GLRB: variants seen among roughly 807,000 people sequenced by gnomAD.
GLRB encodes glycine receptor subunit beta.
Under a neutral mutation model 54.2 loss-of-function variants are expected in GLRB, and 33 were observed. That is an observed-to-expected ratio of 0.61 (90% CI 0.46 to 0.81). GLRB has a LOEUF of 0.81. GLRB is among the 40% of genes least tolerant of loss of function. GLRB has a pLI of 0.00. For missense variants in GLRB, 572 were observed against 584.6 expected, an observed-to-expected ratio of 0.98 and a Z score of 0.22; for synonymous variants, 209 against 208.2, an observed-to-expected ratio of 1.00 and a Z score of -0.03.
intron 9 of GLRB, among the ~76,000 whole-genome samples, chr4:157,153,241 A>C (rs536092908): frequency 6.6e-6 from 1 of 152,264 alleles, no homozygotes; most frequent in East Asian, 1.9e-4. Context: ...TGCCTTATTA[A>C]ATTTTTTGAG....
intron 9 of GLRB, among the ~76,000 whole-genome samples, chr4:157,163,561 TG>T (rs1299108587): frequency 6.6e-6 from 1 of 152,136 alleles, no homozygotes; most frequent in Non-Finnish European, 1.5e-5. Flanking sequence ...CTGTAGTATT[TG>T]GCAAGAATAG....
chr4:157,143,813 A>G lies in GLRB; in HGVS notation c.758A>G (p.Tyr253Cys), dbSNP rs1736703293. Residue 253 changes from tyrosine to cysteine, a missense_variant, in exon 8 of 10, where the codon TAC becomes TGC. Transcript: ENST00000264428. ...ATGTGTTTGCTTCTGAAAGGCTACT[A>G]CACATGCGTGGAAGTCATCTTCACC... is the stretch of plus-strand genomic sequence containing the variant. Reference protein sequence around the residue: ...CTKYYKGTGYYTCVEVIFTLR... With the variant: ...CTKYYKGTGYCTCVEVIFTLR... 1 of 1,613,024 alleles carries G rather than the reference A, an allele frequency of 6.2e-7. No individual in the cohort carries two copies. The highest frequency in any genetic ancestry group is 1.1e-5 in the South Asian group (1 of 90,980).
At chr4:157,121,062 G>A (rs190935310) in intron 3 of GLRB, among the ~76,000 whole-genome samples, 1 of 151,596 alleles carries the variant, frequency 6.6e-6, no homozygotes, top group Non-Finnish European at 1.5e-5. Context: ...TTTAGGGAAA[G>A]AGAACAGTTC....
intron 2 of GLRB, among the ~76,000 whole-genome samples, chr4:157,113,129 A>G (rs1021864430): frequency 3.3e-5 from 5 of 151,536 alleles, no homozygotes; most frequent in Non-Finnish European, 7.4e-5. Context: ...GTGTGTGTGT[A>G]TATGTGTGTG....
At chr4:157,087,063 T>G (rs2126438825) in intron 2 of GLRB, among the ~76,000 whole-genome samples, 1 of 152,240 alleles carries the variant, frequency 6.6e-6, no homozygotes, top group South Asian at 2.1e-4. Flanking sequence ...TATATATACT[T>G]TTATATCCTG....
At chr4:157,123,865 C>T (rs1735921366) in intron 4 of GLRB, among the ~76,000 whole-genome samples, 1 of 151,710 alleles carries the variant, frequency 6.6e-6, no homozygotes, top group African/African-American at 2.4e-5. Flanking sequence ...GAAACATCCC[C>T]ACTCTTTATC....
chr4:157,097,224 C>A (rs1318359209), intron 2 of GLRB, among the ~76,000 whole-genome samples: 1 of 152,084 alleles, frequency 6.6e-6, no homozygotes, highest in African/African-American at 2.4e-5. Flanking sequence ...TTTTTTCTGA[C>A]TAGTTTTCTT....
rs149850644 is a variant in GLRB, at chr4:157,127,300, T to C, written c.297+4903T>C. Among the ~76,000 whole-genome samples the C allele has an allele frequency of 2.8e-4, 43 of 151,904 alleles. No individual in the cohort carries two copies. The East Asian group carries it at 8.2e-3, about 29-fold the overall frequency. ...TATTAGACATATTTGTCCCATTTTTTATTTCACATATCTTAGTAGATTTTA... is the reference window on the plus strand; with the variant it reads ...TATTAGACATATTTGTCCCATTTTTCATTTCACATATCTTAGTAGATTTTA... On this transcript the variant is annotated intron_variant, in intron 4 of 9. Coordinates refer to ENST00000264428, the MANE Select transcript of GLRB (RefSeq NM_000824.5).
intron 4 of GLRB, among the ~76,000 whole-genome samples, chr4:157,132,198 A>G (rs1014875415): frequency 1.3e-5 from 2 of 151,822 alleles, no homozygotes; most frequent in African/African-American, 4.8e-5. Flanking sequence ...TCATCTGTAT[A>G]TATTCTTTGG....
At chr4:157,119,572 T>G (rs1735727566) in intron 2 of GLRB, among the ~76,000 whole-genome samples, 1 of 151,710 alleles carries the variant, frequency 6.6e-6, no homozygotes, top group African/African-American at 2.4e-5. Flanking sequence ...GAGCAATGTT[T>G]CATACATTTA....
At chr4:157,161,925 T>C (rs1183868975) in intron 9 of GLRB, among the ~76,000 whole-genome samples, 1 of 152,206 alleles carries the variant, frequency 6.6e-6, no homozygotes, top group Non-Finnish European at 1.5e-5. Context: ...CTGCAGAGTG[T>C]TTTCCAACTT....
At chr4:157,110,100 G>C (rs943434514) in intron 2 of GLRB, among the ~76,000 whole-genome samples, 4 of 151,888 alleles carry the variant, frequency 2.6e-5, no homozygotes, top group African/African-American at 9.7e-5. Context: ...AAGGCTGAAA[G>C]TCCCAACTCT....
intron 2 of GLRB, among the ~76,000 whole-genome samples, chr4:157,089,459 A>T (rs1734531032): frequency 6.6e-6 from 1 of 152,114 alleles, no homozygotes; most frequent in East Asian, 1.9e-4. Context: ...AAATATAGTG[A>T]CTTTATTTTA....
At chr4:157,087,316 A>C (rs1314006858) in intron 2 of GLRB, among the ~76,000 whole-genome samples, 1 of 152,160 alleles carries the variant, frequency 6.6e-6, no homozygotes, top group Admixed American at 6.5e-5. Flanking sequence ...ACACCACTGT[A>C]TCTCCTTTAG....
chr4:157,076,956 A>G (rs954741761), intron 1 of GLRB, among the ~76,000 whole-genome samples: 7 of 94,666 alleles, frequency 7.4e-5, no homozygotes, highest in Non-Finnish European at 3.8e-5. Flanking sequence ...AAAGATAAAT[A>G]TGGGGGGAAG....
In GLRB at chr4:157,122,332, A is replaced by C; in HGVS notation, c.232A>C (p.Ile78Leu). The change falls in exon 4 of 10, where the codon ATT (isoleucine) becomes CTT (leucine). Residue 78 changes from isoleucine (I) to leucine (L), a missense_variant and splice_region_variant. Transcript: ENST00000264428. ...DPRIRPNFKG[I>L]PVDVVVNIFI... ...ATATTCTTAATTTTTATTCATAGGC[A>C]TTCCTGTTGATGTAGTAGTCAACAT... 1 of 1,238,682 alleles carries C rather than the reference A, an allele frequency of 8.1e-7. No homozygotes were observed. The highest frequency in any genetic ancestry group is 1.2e-6 in the Non-Finnish European group (1 of 853,164). The allele number at this position is 1,238,682 out of a possible 1,614,324, so 76.7% of individuals were successfully genotyped here.
intron 4 of GLRB, among the ~76,000 whole-genome samples, chr4:157,133,824 T>C (rs1266457075): frequency 2.0e-5 from 3 of 152,114 alleles, no homozygotes; most frequent in Middle Eastern, 3.4e-3. Flanking sequence ...TATTCTTGGG[T>C]TGTGTAGAAA....
chr4:157,087,957 T>C (rs1053798232), intron 2 of GLRB, among the ~76,000 whole-genome samples: 1 of 152,154 alleles, frequency 6.6e-6, no homozygotes, highest in Non-Finnish European at 1.5e-5. Flanking sequence ...ATGGGTATTT[T>C]ATGGAAGTTT....
At chr4:157,129,493 T>G (rs1461332515) in intron 4 of GLRB, among the ~76,000 whole-genome samples, 3 of 151,822 alleles carry the variant, frequency 2.0e-5, no homozygotes, top group African/African-American at 7.2e-5. Flanking sequence ...ACTATTAACT[T>G]AAATTGTAAA....
Sources: allele counts gnomAD v4.1 joint callset (sites outside exome capture counted in the v4.1 genomes callset), GRCh38; gene constraint gnomAD v4.1.1; transcripts MANE v1.5; gene names NCBI Gene and HGNC (gene_info 2026-07-23, HGNC 2026-07-21).